KDM4C: variants seen among roughly 807,000 people sequenced by gnomAD.
KDM4C encodes lysine-specific demethylase 4C.
In KDM4C, 81 loss-of-function variants were observed where a neutral mutation model predicts 129.3. The observed-to-expected ratio is 0.63, with a 90% CI of 0.52 to 0.75. The LOEUF (loss-of-function observed/expected upper bound fraction) is 0.75. Ranked by LOEUF, KDM4C falls within the 30% of genes least tolerant of loss-of-function variation. The probability of loss-of-function intolerance (pLI) is 0.00; values close to 1 mark genes in which losing one functional copy is unlikely to be tolerated. For synonymous variants in KDM4C, 573 were observed against 456.1 expected (o/e 1.26, Z -3.26); for missense variants, 1,457 against 1,304.0 (o/e 1.12, Z -1.81).
rs569604634 is a variant in KDM4C at position 6,981,023 on chromosome 9, A to G, written c.1020A>G (p.Ile340Met). ...RYQLWKQGKD[I>M]YTIDHTKPTP... ...AGCTTTGGAAACAAGGAAAGGATAT[A>G]TACACCATTGATCACACGAAGCCTA... The change falls in exon 9 of 22, where the codon ATA becomes ATG. Residue 340 changes from isoleucine (I) to methionine (M), a missense_variant. Ile to Met is a conservative substitution (Grantham distance 10). Coordinates refer to ENST00000381309, the MANE Select transcript of KDM4C (RefSeq NM_015061.6). The G allele has an allele frequency of 1.9e-6, 3 of 1,613,982 alleles. No individual in the cohort carries two copies. The South Asian group carries it at 3.3e-5, about 18-fold the overall frequency.
chr9:7,026,033 C>T (rs1825755091), intron 15 of KDM4C, among the ~76,000 whole-genome samples: 1 of 151,906 alleles, frequency 6.6e-6, no homozygotes, highest in Admixed American at 6.6e-5. Flanking sequence ...GGCAAAGCTC[C>T]ATCTGTACTA....
chr9:7,013,932 G>A lies in KDM4C; in HGVS notation c.2113G>A (p.Ala705Thr). The change falls in exon 14 of 22, where the codon GCC (alanine) becomes ACC (threonine). Residue 705 changes from alanine to threonine, a missense_variant. Transcript: ENST00000381309. ...AAATATAGAATATTCTCCACCCAAT[G>A]CCTTCCTTGAAGAGGATGGAACAAG... ...EENIEYSPPN[A>T]FLEEDGTSLL... 1 of 1,613,968 alleles carries A rather than the reference G, an allele frequency of 6.2e-7. No individual in the cohort carries two copies. The highest frequency in any genetic ancestry group is 8.5e-7 in the Non-Finnish European group (1 of 1,179,880).
chr9:7,158,152 T>C (rs1564190614), intron 19 of KDM4C, among the ~76,000 whole-genome samples: 1 of 152,228 alleles, frequency 6.6e-6, no homozygotes, highest in Non-Finnish European at 1.5e-5. Context: ...TAGAGGTGTT[T>C]ATATTATTCT....
intron 8 of KDM4C, among the ~76,000 whole-genome samples, chr9:6,912,598 C>G (rs566286836): frequency 2.0e-4 from 30 of 152,268 alleles, no homozygotes; most frequent in African/African-American, 7.0e-4. Flanking sequence ...GTTCATTGTT[C>G]TATCTGAAGG....
intron 15 of KDM4C, among the ~76,000 whole-genome samples, chr9:7,022,938 A>ATG (rs1480445048): frequency 6.6e-6 from 1 of 152,148 alleles, no homozygotes; most frequent in East Asian, 1.9e-4. Context: ...TAATGATATG[A>ATG]TGTATCACAT....
intron 5 of KDM4C, among the ~76,000 whole-genome samples, chr9:6,864,654 TTTTA>T (rs1421968363): frequency 2.6e-5 from 4 of 151,892 alleles, no homozygotes; most frequent in South Asian, 2.1e-4. Context: ...TTTAAATTTA[TTTTA>T]TTTATTTATC....
At chr9:6,902,538 C>T (rs10975884) in intron 8 of KDM4C, 51,414 of 151,962 alleles carry the variant, frequency 0.34, 9,427 homozygotes, top group Non-Finnish European at 0.41. Context: ...GTAAAGAGGG[C>T]GTTCACTTGT....
intron 9 of KDM4C, among the ~76,000 whole-genome samples, chr9:6,981,339 C>T (rs1021195485): frequency 1.3e-5 from 2 of 152,090 alleles, no homozygotes; most frequent in Admixed American, 6.6e-5. Context: ...TGAAGTTGCT[C>T]GACATGGCAA....
chr9:7,117,087 G>A (rs1475488832), intron 18 of KDM4C, among the ~76,000 whole-genome samples: 1 of 152,182 alleles, frequency 6.6e-6, no homozygotes, highest in African/African-American at 2.4e-5. Flanking sequence ...TTGAATTTCA[G>A]AGAGGTTCAA....
chr9:6,768,992 C>T (rs1283244327), intron 1 of KDM4C, among the ~76,000 whole-genome samples: 2 of 151,952 alleles, frequency 1.3e-5, no homozygotes, highest in African/African-American at 2.4e-5. Context: ...AGGCTGGTCT[C>T]GAACTCCTGA....
At chr9:6,762,878 C>T (rs530927369) in intron 1 of KDM4C, among the ~76,000 whole-genome samples, 6 of 151,792 alleles carry the variant, frequency 4.0e-5, no homozygotes, top group South Asian at 4.2e-4. Flanking sequence ...AGGCTGGGCT[C>T]GAATTCTTGA....
intron 4 of KDM4C, among the ~76,000 whole-genome samples, chr9:6,831,980 A>G (rs1338966585): frequency 1.3e-5 from 2 of 152,174 alleles, no homozygotes; most frequent in African/African-American, 2.4e-5. Flanking sequence ...TCTGCCATAA[A>G]AGCTTATTAT....
intron 17 of KDM4C, among the ~76,000 whole-genome samples, chr9:7,099,900 A>G (rs1294860694): frequency 4.6e-5 from 7 of 151,682 alleles, no homozygotes; most frequent in African/African-American, 9.7e-5. Flanking sequence ...TTTCAATTTT[A>G]TTTTTTAATT....
At chr9:7,105,449 T>C (rs1488890540) in intron 18 of KDM4C, 5 of 470,916 alleles carry the variant, frequency 1.1e-5, no homozygotes, top group African/African-American at 4.0e-5. Flanking sequence ...GTATTGCTAC[T>C]ACTACTTCTG....
Position 7,049,895 on chromosome 9 carries a change from C to G in KDM4C, c.2424+695C>G, listed in dbSNP as rs1030773963. Among the ~76,000 whole-genome samples the G allele has an allele frequency of 5.9e-5, 9 of 152,202 alleles. No homozygotes were observed. In the East Asian group the frequency reaches 1.7e-3, roughly 29 times the overall value. ...CCTAATTAGAACTTTCCCCAAAGTT[C>G]AACTGCATGACCTTAATGTATTGGA... is the stretch of plus-strand genomic sequence containing the variant. On this transcript the variant is annotated intron_variant, in intron 17 of 21. Coordinates refer to ENST00000381309, the MANE Select transcript of KDM4C (RefSeq NM_015061.6).
chr9:6,985,783 C>T (rs1450953760), intron 10 of KDM4C, among the ~76,000 whole-genome samples: 1 of 152,168 alleles, frequency 6.6e-6, no homozygotes. Context: ...CTCTGCCTCT[C>T]AGGTTCAAGC....
intron 7 of KDM4C, among the ~76,000 whole-genome samples, chr9:6,891,453 A>T (rs1464953845): frequency 6.6e-6 from 1 of 152,218 alleles, no homozygotes; most frequent in Non-Finnish European, 1.5e-5. Context: ...AATATCCATT[A>T]TAACAAATCT....
chr9:6,804,118 T>G (rs1829525299), intron 2 of KDM4C, among the ~76,000 whole-genome samples: 1 of 152,232 alleles, frequency 6.6e-6, no homozygotes, highest in South Asian at 2.1e-4. Flanking sequence ...CCACTACGGC[T>G]GGCTGTTACC....
chr9:6,905,321 G>A (rs1818128889), intron 8 of KDM4C, among the ~76,000 whole-genome samples: 1 of 152,134 alleles, frequency 6.6e-6, no homozygotes. Flanking sequence ...ATTAGCCCTT[G>A]TATGAAACTC....
Sources: gnomAD v4.1 joint callset for allele counts (sites outside exome capture counted in the v4.1 genomes callset) on GRCh38, gnomAD v4.1.1 for gene constraint, MANE v1.5 for transcripts, NCBI Gene and HGNC (gene_info 2026-07-23, HGNC 2026-07-21) for gene names.